The following USP31 variants were observed in gnomAD, a reference collection of about 807,000 sequenced individuals.
The protein encoded by USP31 is ubiquitin specific peptidase 31.
Under a neutral mutation model 119.4 loss-of-function variants are expected in USP31, and 44 were observed. That is an observed-to-expected ratio of 0.37 (90% CI 0.29 to 0.47). The LOEUF (loss-of-function observed/expected upper bound fraction) is 0.47, where lower values mean the gene tolerates loss of function less well. Ranked by LOEUF, USP31 falls within the 20% of genes least tolerant of loss-of-function variation. The pLI is 0.99. For missense variants in USP31, 1,643 were observed against 1,730.2 expected (o/e 0.95, Z 0.89); for synonymous variants, 749 against 705.6 (o/e 1.06, Z -0.97).
chr16:23,090,415 A>C (rs1038360072), intron 7 of USP31, among the ~76,000 whole-genome samples: 2 of 151,948 alleles, frequency 1.3e-5, no homozygotes, highest in African/African-American at 2.4e-5. Context: ...AAACAACAAC[A>C]ACAACAACAA....
At chr16:23,138,029 C>CAATGCA (rs1323916880) in intron 1 of USP31, among the ~76,000 whole-genome samples, 1 of 152,138 alleles carries the variant, frequency 6.6e-6, no homozygotes, top group Non-Finnish European at 1.5e-5. Flanking sequence ...AAATGTAAAT[C>CAATGCA]AATGGCACCT....
At chr16:23,081,705 C>G in intron 12 of USP31, among the ~76,000 whole-genome samples, 1 of 152,240 alleles carries the variant, frequency 6.6e-6, no homozygotes, top group East Asian at 1.9e-4. Context: ...CAGCATCCAC[C>G]CACGTCTTCC....
In USP31 at chr16:23,067,912, C is replaced by T. The variant is rs904930784; in HGVS notation, c.*134G>A. 18 of 1,166,434 alleles carry T rather than the reference C, an allele frequency of 1.5e-5. No homozygotes were observed. In the Admixed American group the frequency reaches 3.6e-4, roughly 23 times the overall value. The allele number at this position is 1,166,434 out of a possible 1,614,324, so 72.3% of individuals were successfully genotyped here. A position where few individuals can be genotyped will look rare whatever the true frequency, so the allele number is the denominator to read the frequency against. On this transcript the variant is annotated 3_prime_UTR_variant, in exon 16 of 16. Transcript: ENST00000219689. ...TGAATTAGACACACACACGCATACACTCACACACACACACACAGTCGGGCA... is the reference window on the plus strand; with the variant it reads ...TGAATTAGACACACACACGCATACATTCACACACACACACACAGTCGGGCA...
At chr16:23,085,730 T>A in intron 9 of USP31, 68 bp from the exon 10 acceptor site, 4 of 1,288,554 alleles carry the variant, frequency 3.1e-6, no homozygotes, top group Non-Finnish European at 4.4e-6. Flanking sequence ...TTACTTAATG[T>A]GATTATGTCC....
At chr16:23,107,781 C>CT (rs1301891898) in intron 2 of USP31, among the ~76,000 whole-genome samples, 1 of 152,144 alleles carries the variant, frequency 6.6e-6, no homozygotes, top group Admixed American at 6.5e-5. Flanking sequence ...AATGGAATCA[C>CT]TTTTTTTAAT....
chr16:23,068,686 C>T lies in USP31; in HGVS notation c.3419G>A (p.Ser1140Asn). The change falls in exon 16 of 16, where the codon AGC becomes AAC. Residue 1140 changes from serine to asparagine, a missense_variant. Around this residue, in one of 5 missense-constraint regions of USP31, gnomAD observed 699 missense variants for 650.9 expected, o/e 1.07. Transcript: ENST00000219689. ...CCTGCTCTTCCCAGGTGGGAAAGGG[C>T]TCCTTGTGGCAGGGCCCGAGGCCTT... is the stretch of plus-strand genomic sequence containing the variant. ...AKKASGPATR[S>N]PFPPGKSRTS... is the part of the protein sequence containing the mutation. 1.9e-6 allele frequency: 3 copies of T among 1,614,126 alleles called. No homozygotes were observed. Among genetic ancestry groups the T allele is most frequent in the Non-Finnish European group, 2.5e-6 (3 of 1,180,000 alleles).
Position 23,075,748 on chromosome 16 carries a change from C to A in USP31, c.2177-1868G>T, listed in dbSNP as rs553550258. The stretch of plus-strand genomic sequence containing the variant: ...TACACAATCGATTATATCATTATAC[C>A]ATCGATTATAGCTAGAAACAGTGCA... On this transcript the variant is annotated intron_variant, in intron 13 of 15. Coordinates refer to ENST00000219689, the MANE Select transcript of USP31 (RefSeq NM_020718.4). Among the ~76,000 whole-genome samples the A allele has an allele frequency of 1.1e-4, 17 of 152,150 alleles. No homozygotes were observed. In the East Asian group the frequency reaches 3.3e-3, roughly 29 times the overall value.
At chr16:23,120,132 T>C (rs770999833) in intron 1 of USP31, among the ~76,000 whole-genome samples, 2 of 152,062 alleles carry the variant, frequency 1.3e-5, no homozygotes, top group Non-Finnish European at 2.9e-5. Context: ...AAAACTATAG[T>C]AAAACAAACC....
rs1903649568 is a variant in USP31 at position 23,149,317 on chromosome 16, C to A, written c.-47G>T. The A allele has an allele frequency of 1.7e-5, 17 of 1,021,092 alleles. No individual in the cohort carries two copies. The highest frequency in any genetic ancestry group is 1.9e-5 in the Non-Finnish European group (16 of 855,326). The allele number at this position is 1,021,092 out of a possible 1,614,324, so 63.3% of individuals were successfully genotyped here. A position where few individuals can be genotyped will look rare whatever the true frequency, so the allele number is the denominator to read the frequency against. Reference sequence around the variant, plus strand: ...TCACCGCGCCCGCCCGCCCGGCCCGCGGCCCCGCCACGGCCGCCGCCGCAT... The same window carrying A: ...TCACCGCGCCCGCCCGCCCGGCCCGAGGCCCCGCCACGGCCGCCGCCGCAT... On this transcript the variant is annotated 5_prime_UTR_variant, in exon 1 of 16. Coordinates refer to ENST00000219689, the MANE Select transcript of USP31 (RefSeq NM_020718.4).
chr16:23,149,024 C>T lies in USP31; in HGVS notation c.247G>A (p.Ala83Thr), dbSNP rs1355734591. ...CGGAGGCCGCCGCGGTCTGGGGCGG[C>T]GCCCTCAGAGCTAAGGTGCGAGAGC... ...STLSHLSSEG[A>T]APDRGGLRSC... Residue 83 changes from alanine (A) to threonine (T), a missense_variant, in exon 1 of 16, where the codon GCC (alanine) becomes ACC (threonine). Around this residue, in one of 5 missense-constraint regions of USP31, gnomAD observed 302 missense variants for 262.6 expected, o/e 1.15. Coordinates refer to ENST00000219689, the MANE Select transcript of USP31 (RefSeq NM_020718.4). 1 of 1,169,112 alleles carries T rather than the reference C, an allele frequency of 8.6e-7. No individual in the cohort carries two copies. The highest frequency in any genetic ancestry group is 5.4e-5 in the East Asian group (1 of 18,596). 72.4% of individuals were successfully genotyped at this position (1,169,112 alleles called of 1,614,324 possible).
At chr16:23,122,102 T>C (rs924664451) in intron 1 of USP31, among the ~76,000 whole-genome samples, 2 of 152,190 alleles carry the variant, frequency 1.3e-5, no homozygotes, top group African/African-American at 4.8e-5. Flanking sequence ...GGAAGGCAAG[T>C]AAGTCAATTT....
intron 14 of USP31, 87 bp downstream of exon 14, chr16:23,073,635 A>T: frequency 6.8e-7 from 1 of 1,468,612 alleles, no homozygotes; most frequent in Non-Finnish European, 9.2e-7. Flanking sequence ...TGACAGAGTC[A>T]TGAGAGCCTC....
intron 9 of USP31, 100 bp from the exon 10 acceptor site, chr16:23,085,762 G>A (rs774724925): frequency 9.3e-7 from 1 of 1,077,022 alleles, no homozygotes; most frequent in South Asian, 1.4e-5. Flanking sequence ...ATAATTTCAG[G>A]TGATTAATGA....
At chr16:23,118,380 A>G (rs1187580959) in intron 1 of USP31, among the ~76,000 whole-genome samples, 1 of 152,242 alleles carries the variant, frequency 6.6e-6, no homozygotes, top group Non-Finnish European at 1.5e-5. Flanking sequence ...CTGGCTGCAC[A>G]TTAGAATTGC....
intron 1 of USP31, among the ~76,000 whole-genome samples, chr16:23,144,707 ATTGG>A (rs1025845425): frequency 6.6e-6 from 1 of 151,962 alleles, no homozygotes; most frequent in African/African-American, 2.4e-5. Flanking sequence ...GTCTGGAACT[ATTGG>A]TCTCAAGTGA....
chr16:23,107,781 CT>C (rs1301891898), intron 2 of USP31, among the ~76,000 whole-genome samples: 4 of 152,144 alleles, frequency 2.6e-5, no homozygotes, highest in African/African-American at 4.8e-5. Flanking sequence ...AATGGAATCA[CT>C]TTTTTTAATC....
At chr16:23,130,666 G>C (rs945660010) in intron 1 of USP31, among the ~76,000 whole-genome samples, 17 of 145,856 alleles carry the variant, frequency 1.2e-4, no homozygotes, top group Admixed American at 1.1e-3. Context: ...ACACACTACA[G>C]TTTGTCAGCC....
intron 13 of USP31, among the ~76,000 whole-genome samples, chr16:23,075,404 G>A (rs1160267183): frequency 6.6e-6 from 1 of 152,146 alleles, no homozygotes; most frequent in Non-Finnish European, 1.5e-5. Flanking sequence ...CTCAGTCACA[G>A]TGTGGAAACT....
Position 23,106,406 on chromosome 16 carries a change from G to A in USP31, c.853C>T (p.Gln285Ter), listed in dbSNP as rs773936069. The A allele has an allele frequency of 6.2e-7, 1 of 1,613,702 alleles. No homozygotes were observed. The highest frequency in any genetic ancestry group is 8.5e-7 in the Non-Finnish European group (1 of 1,179,852). The change falls in exon 3 of 16, where the codon CAA becomes TAA. Residue 285 changes from glutamine (Q) to a stop codon, truncating the protein, a stop_gained. Coordinates refer to ENST00000219689, the MANE Select transcript of USP31 (RefSeq NM_020718.4). LOFTEE classifies it high-confidence loss of function. ...CATCCGATTTTCTCATACCTGTATT[G>A]CGCTTGAAAGAGTTCTTGTACAAAA... Reference protein sequence around the residue: ...STFVQELFQAQYRSSLTCPHC... With the variant: ...STFVQELFQA
Sources: allele counts gnomAD v4.1 joint callset (sites outside exome capture counted in the v4.1 genomes callset), GRCh38; gene constraint gnomAD v4.1.1; regional missense constraint gnomAD v4.1.1; transcripts MANE v1.5; gene names NCBI Gene and HGNC (gene_info 2026-07-23, HGNC 2026-07-21).